Variants in MYCBP2 observed in about 807,000 individuals in gnomAD.
The protein encoded by MYCBP2 is MYC binding protein 2.
A neutral mutation model predicts 525.3 loss-of-function variants in MYCBP2; 120 were observed. The ratio of observed to expected loss-of-function variants is 0.23; its 90% confidence interval spans 0.20 to 0.27. The LOEUF is 0.27. Ranked by LOEUF, MYCBP2 falls within the 10% of genes least tolerant of loss-of-function variation. The pLI is 1.00. For missense variants in MYCBP2, 4,149 were observed against 5,657.1 expected (o/e 0.73, Z 8.55); for synonymous variants, 1,894 against 1,955.8 (o/e 0.97, Z 0.83).
chr13:77,200,062 GAGA>G (rs1395902636), intron 26 of MYCBP2, among the ~76,000 whole-genome samples: 10 of 152,218 alleles, frequency 6.6e-5, no homozygotes, highest in Admixed American at 5.9e-4. Context: ...GACGAGCTGA[GAGA>G]AGAAGGCTTC....
At chr13:77,052,413 G>A (rs968816927) in intron 80 of MYCBP2, among the ~76,000 whole-genome samples, 3 of 152,196 alleles carry the variant, frequency 2.0e-5, no homozygotes, top group African/African-American at 7.2e-5. Flanking sequence ...TGCCCAGGCT[G>A]GTCTCAAACT....
rs2082373477 is a variant in MYCBP2 at position 77,326,797 on chromosome 13, C to G, written c.-22G>C. ...TCATCCTCGCCGCCGCCGCCGCCGC[C>G]GCCGCCTCGTCCCCGCGGGCCGGGC... On this transcript the variant is annotated 5_prime_UTR_variant, in exon 1 of 83. Transcript: ENST00000544440. This position sits in a 1 kb window ranked among gnomAD's most constrained non-coding sequence, Gnocchi z 4.2. The G allele has an allele frequency of 1.4e-6, 2 of 1,399,956 alleles. No homozygotes were observed. The highest frequency in any genetic ancestry group is 1.8e-6 in the Non-Finnish European group (2 of 1,089,938). The allele number at this position is 1,399,956 out of a possible 1,614,324, so 86.7% of individuals were successfully genotyped here.
intron 20 of MYCBP2, among the ~76,000 whole-genome samples, chr13:77,223,469 G>T (rs975374143): frequency 6.6e-6 from 1 of 152,072 alleles, no homozygotes; most frequent in Admixed American, 6.6e-5. Flanking sequence ...TAATAAAGAT[G>T]GATTTTCTAT....
Position 77,278,908 on chromosome 13 carries a change from T to A in MYCBP2, c.598A>T (p.Ile200Phe). 6.4e-7 allele frequency: 1 copy of A among 1,562,816 alleles called. No homozygotes were observed. The highest frequency in any genetic ancestry group is 8.6e-7 in the Non-Finnish European group (1 of 1,158,550). Reference sequence around the variant, plus strand: ...AAAACTTCACAAAGGCCAACCTCAATAATCTATTTAAAAGGAAAAAATATA... The same window carrying A: ...AAAACTTCACAAAGGCCAACCTCAAAAATCTATTTAAAAGGAAAAAATATA... ...KEPPIKLPKI[I>F]EVGLCEVFEL... The change falls in exon 4 of 83, where the codon ATT (isoleucine) becomes TTT (phenylalanine). Residue 200 changes from isoleucine (I) to phenylalanine (F), a missense_variant. Around this residue, in one of 21 missense-constraint regions of MYCBP2, gnomAD observed 413 missense variants for 451.2 expected, o/e 0.92. Coordinates refer to ENST00000544440, the MANE Select transcript of MYCBP2 (RefSeq NM_015057.5).
intron 23 of MYCBP2, among the ~76,000 whole-genome samples, chr13:77,209,663 T>C (rs972385912): frequency 5.3e-5 from 8 of 152,172 alleles, no homozygotes; most frequent in African/African-American, 1.9e-4. Context: ...TCACCCATAG[T>C]CTCTTGTTAT....
intron 17 of MYCBP2, among the ~76,000 whole-genome samples, chr13:77,234,985 C>T (rs919487956): frequency 2.6e-5 from 4 of 151,902 alleles, no homozygotes; most frequent in Non-Finnish European, 5.9e-5. Context: ...CAAGAAGGCA[C>T]GGGGGCAATC....
rs745424300 is a variant in MYCBP2 at position 77,278,929 on chromosome 13, A to G, written c.595-18T>C. 3 of 1,524,632 alleles carry G rather than the reference A, an allele frequency of 2.0e-6. No homozygotes were observed. 94.4% of individuals were successfully genotyped at this position (1,524,632 alleles called of 1,614,324 possible). On this transcript the variant is annotated intron_variant, in intron 3 of 82. Coordinates refer to ENST00000544440, the MANE Select transcript of MYCBP2 (RefSeq NM_015057.5). ...TCAATAATCTATTTAAAAGGAAAAA[A>G]TATATATACTTTATGACATGTAAGC...
chr13:77,239,050 G>T (rs1301861573), intron 17 of MYCBP2, among the ~76,000 whole-genome samples: 15 of 152,120 alleles, frequency 9.9e-5, no homozygotes. Context: ...AAACCGAGAG[G>T]CGGAGGTTGC....
chr13:77,268,312 A>G (rs2074378603), intron 7 of MYCBP2, among the ~76,000 whole-genome samples: 1 of 151,936 alleles, frequency 6.6e-6, no homozygotes, highest in African/African-American at 2.4e-5. Flanking sequence ...TGAATAGCAT[A>G]GTGGTTTCAG....
chr13:77,168,414 G>C lies in MYCBP2; in HGVS notation c.6114+14C>G, dbSNP rs1376003524. On this transcript the variant is annotated intron_variant, in intron 40 of 82. Coordinates refer to ENST00000544440, the MANE Select transcript of MYCBP2 (RefSeq NM_015057.5). ...AAGTTTTACATTCGAATCACACTAA[G>C]AACCGGTGCCTACCTTGTAATGCAT... is the stretch of plus-strand genomic sequence containing the variant. The C allele has an allele frequency of 6.2e-7, 1 of 1,610,278 alleles. No individual in the cohort carries two copies. The highest frequency in any genetic ancestry group is 1.3e-5 in the African/African-American group (1 of 74,816).
intron 17 of MYCBP2, among the ~76,000 whole-genome samples, chr13:77,236,287 T>C (rs1290502054): frequency 6.6e-6 from 1 of 152,158 alleles, no homozygotes; most frequent in Non-Finnish European, 1.5e-5. Flanking sequence ...GGGTATGAGA[T>C]AACCAGGTTT....
chr13:77,165,159 C>A, intron 42 of MYCBP2, 114 bp downstream of exon 42: 1 of 846,912 alleles, frequency 1.2e-6, no homozygotes, highest in Non-Finnish European at 1.9e-6. Context: ...CTGCACCAGG[C>A]CCCAATTTTT....
intron 55 of MYCBP2, among the ~76,000 whole-genome samples, chr13:77,116,146 G>GT (rs1056378698): frequency 6.6e-6 from 1 of 151,940 alleles, no homozygotes; most frequent in Non-Finnish European, 1.5e-5. Flanking sequence ...AAATGAGGCT[G>GT]TATCAAAGTG....
chr13:77,114,307 A>G (rs923695839), intron 55 of MYCBP2, among the ~76,000 whole-genome samples: 3 of 152,126 alleles, frequency 2.0e-5, no homozygotes, highest in African/African-American at 7.2e-5. Flanking sequence ...TTTTCCTCAA[A>G]GCATGAGAGG....
intron 47 of MYCBP2, among the ~76,000 whole-genome samples, chr13:77,146,441 A>G (rs2055570987): frequency 6.6e-6 from 1 of 151,918 alleles, no homozygotes; most frequent in Non-Finnish European, 1.5e-5. Flanking sequence ...AGCAAAAGAA[A>G]AAAACAGATA....
Position 77,205,611 on chromosome 13 carries a change from A to G in MYCBP2, c.3590-13T>C. ...GTATCAAGACAACCTAAAACAACAAAGAAACAAAATTTAACTCCTTGAAAT... is the reference window on the plus strand; with the variant it reads ...GTATCAAGACAACCTAAAACAACAAGGAAACAAAATTTAACTCCTTGAAAT... On this transcript the variant is annotated splice_polypyrimidine_tract_variant and intron_variant, in intron 24 of 82. Transcript: ENST00000544440. The G allele has an allele frequency of 1.2e-6, 2 of 1,603,496 alleles. No homozygotes were observed. Among genetic ancestry groups the G allele is most frequent in the Middle Eastern group, 3.3e-4 (2 of 5,984 alleles).
chr13:77,098,334 A>C lies in MYCBP2; in HGVS notation c.8820T>G (p.Thr2940=). The C allele has an allele frequency of 6.2e-7, 1 of 1,611,948 alleles. No homozygotes were observed. The highest frequency in any genetic ancestry group is 8.5e-7 in the Non-Finnish European group (1 of 1,179,774). Residue 2940 remains threonine, a synonymous_variant, in exon 56 of 83, where the codon ACT becomes ACG. Transcript: ENST00000544440. Reference sequence around the variant, plus strand: ...TGTCTGTTAGACTATTTGTTTTTAAAGTACTTGAGGTGCAGACTTCGACCA... The same window carrying C: ...TGTCTGTTAGACTATTTGTTTTTAACGTACTTGAGGTGCAGACTTCGACCA... ...SEVVEVCTSS[T]LKTNSLTDST...
At chr13:77,206,599 C>A (rs993751834) in intron 24 of MYCBP2, 54 bp downstream of exon 24, 9 of 1,410,512 alleles carry the variant, frequency 6.4e-6, no homozygotes, top group Non-Finnish European at 8.4e-6. Flanking sequence ...TAAAAAAAAA[C>A]CCTGGACAGC....
Position 77,326,822 on chromosome 13 carries a change from C to T in MYCBP2, c.-47G>A. 7.2e-7 allele frequency: 1 copy of T among 1,379,602 alleles called. No individual in the cohort carries two copies. Among genetic ancestry groups the T allele is most frequent in the Non-Finnish European group, 9.3e-7 (1 of 1,079,124 alleles). 85.5% of individuals were successfully genotyped at this position (1,379,602 alleles called of 1,614,324 possible). ...CGCCGCCTCGTCCCCGCGGGCCGGG[C>T]GGGCAGACACGCGCGCGCACACACA... On this transcript the variant is annotated 5_prime_UTR_variant, in exon 1 of 83. Transcript: ENST00000544440. The surrounding 1 kb of genome is among the most constrained non-coding windows in gnomAD (Gnocchi z 4.2).
Sources: gnomAD v4.1 joint callset for allele counts (sites outside exome capture counted in the v4.1 genomes callset) on GRCh38, gnomAD v4.1.1 for gene constraint, gnomAD v4.1.1 regional missense constraint, Gnocchi (gnomAD v3.1) non-coding constraint, MANE v1.5 for transcripts, NCBI Gene and HGNC (gene_info 2026-07-23, HGNC 2026-07-21) for gene names.